Variants in MAT1A observed in about 807,000 individuals in gnomAD.
MAT1A encodes the protein S-adenosylmethionine synthase isoform type-1.
In MAT1A, 19 loss-of-function variants were observed where a neutral mutation model predicts 44.0. The ratio of observed to expected loss-of-function variants is 0.43; its 90% confidence interval spans 0.30 to 0.63. The LOEUF (loss-of-function observed/expected upper bound fraction) is 0.63. Among genes scored for constraint, MAT1A ranks in the 30% least tolerant of loss-of-function variants. The pLI is 0.12. For synonymous variants in MAT1A, 205 were observed against 205.6 expected, an observed-to-expected ratio of 1.00 and a Z score of 0.03; for missense variants, 397 against 531.0, an observed-to-expected ratio of 0.75 and a Z score of 2.48.
intron 6 of MAT1A, chr10:80,275,555 G>A: frequency 2.9e-6 from 1 of 347,380 alleles, no homozygotes. Context: ...CCTGGCTGGT[G>A]CCACCTAGCA....
At chr10:80,283,584 T>C (rs1841597562) in intron 3 of MAT1A, among the ~76,000 whole-genome samples, 1 of 152,268 alleles carries the variant, frequency 6.6e-6, no homozygotes, top group Non-Finnish European at 1.5e-5. Flanking sequence ...CACCAGTGCC[T>C]GGCAGCGAGC....
chr10:80,286,100 A>T (rs921843113), intron 1 of MAT1A, among the ~76,000 whole-genome samples: 12 of 152,270 alleles, frequency 7.9e-5, no homozygotes, highest in Admixed American at 3.9e-4. Context: ...AAGTGCTGGG[A>T]TTACAGGTGT....
rs1934144 is a variant in MAT1A at position 80,272,799 on chromosome 10, T to A, written c.*982A>T. On this transcript the variant is annotated 3_prime_UTR_variant, in exon 9 of 9. Transcript: ENST00000372213. ...GATTCTAAAGCTGCTGGTCAGTCCC[T>A]AACTCCAGCCTACCCTGATGGGCCA... 18,819 of 152,244 alleles carry A rather than the reference T, an allele frequency of 0.12. 2,135 individuals are homozygous for A. Among genetic ancestry groups the A allele is most frequent in the African/African-American group, 0.3 (12,620 of 41,470 alleles). The allele number at this position is 152,244 out of a possible 1,614,324, so 9.4% of individuals were successfully genotyped here.
intron 8 of MAT1A, 46 bp from the exon 9 acceptor site, chr10:80,273,929 GCAGGGTTTCTTTCTC>G (rs770455268): frequency 7.5e-7 from 1 of 1,328,504 alleles, no homozygotes; most frequent in East Asian, 2.3e-5. Context: ...TGGAACAGGA[GCAGGGTTTCTTTCTC>G]CATTTCAAGG....
chr10:80,281,714 C>T (rs1841570320), intron 3 of MAT1A, among the ~76,000 whole-genome samples: 1 of 152,216 alleles, frequency 6.6e-6, no homozygotes, highest in African/African-American at 2.4e-5. Flanking sequence ...CACACAGATC[C>T]AAGCTGCTGT....
Position 80,276,594 on chromosome 10 carries a change from C to T in MAT1A, c.550G>A (p.Val184Met). The T allele has an allele frequency of 6.2e-7, 1 of 1,610,432 alleles. No homozygotes were observed. Among genetic ancestry groups the T allele is most frequent in the Non-Finnish European group, 8.5e-7 (1 of 1,179,986 alleles). The change falls in exon 6 of 9, where the codon GTG becomes ATG. Residue 184 changes from valine (V) to methionine (M), a missense_variant and splice_region_variant. Val to Met is a conservative substitution (Grantham distance 21, BLOSUM62 1). Transcript: ENST00000372213. ...PWLRPDSKTQ[V>M]TVQYMQDNGA... ...TTGTCCTGCATGTACTGAACTGTCA[C>T]CTGTCCATCAGAAGGGTGGGGGAGA... is the stretch of plus-strand genomic sequence containing the variant.
At chr10:80,287,874 T>C (rs752027700) in intron 1 of MAT1A, among the ~76,000 whole-genome samples, 67 of 152,208 alleles carry the variant, frequency 4.4e-4, no homozygotes, top group Non-Finnish European at 7.1e-4. Flanking sequence ...ACTATTAACA[T>C]TTTGGGCCAG....
intron 5 of MAT1A, 108 bp downstream of exon 5, chr10:80,280,065 C>T (rs1015606555): frequency 1.4e-5 from 18 of 1,321,692 alleles, no homozygotes; most frequent in African/African-American, 5.8e-5. Context: ...TCTTTGAATG[C>T]CCAGATTGAA....
At chr10:80,277,809 C>A (rs970040120) in intron 5 of MAT1A, among the ~76,000 whole-genome samples, 1 of 152,180 alleles carries the variant, frequency 6.6e-6, no homozygotes, top group African/African-American at 2.4e-5. Context: ...GAACACGGCG[C>A]TTATCTCATC....
intron 4 of MAT1A, 126 bp from the exon 5 acceptor site, chr10:80,280,442 G>C: frequency 8.2e-7 from 1 of 1,225,178 alleles, no homozygotes; most frequent in Non-Finnish European, 1.2e-6. Flanking sequence ...GCTTTCCACT[G>C]GCATGTGCAG....
In MAT1A at chr10:80,273,008, T is replaced by A. The variant is rs1374840504; in HGVS notation, c.*773A>T. 1 of 152,304 alleles carries A rather than the reference T, an allele frequency of 6.6e-6. No homozygotes were observed. The highest frequency in any genetic ancestry group is 1.5e-5 in the Non-Finnish European group (1 of 68,156). The allele number at this position is 152,304 out of a possible 1,614,324, so 9.4% of individuals were successfully genotyped here. On this transcript the variant is annotated 3_prime_UTR_variant, in exon 9 of 9. Transcript: ENST00000372213. ...TCCATGGCCTCATTTCTGAATCTGC[T>A]TTGTCATTGTTTGAGCCTGTTACTG...
At position 80,272,065 on chromosome 10, in the gene MAT1A, T is replaced by C. The variant is rs893029583; in HGVS notation, c.*1716A>G. The stretch of plus-strand genomic sequence containing the variant: ...AGGTGACCAGGAGCCGGGCTTCTTT[T>C]GTTGCCTTAATTTCCTTTCACCTGA... On this transcript the variant is annotated 3_prime_UTR_variant, in exon 9 of 9. Transcript: ENST00000372213. 6.6e-6 allele frequency: 1 copy of C among 152,104 alleles called. No individual in the cohort carries two copies. Among genetic ancestry groups the C allele is most frequent in the Non-Finnish European group, 1.5e-5 (1 of 68,002 alleles). 9.4% of individuals were successfully genotyped at this position (152,104 alleles called of 1,614,324 possible). A position where few individuals can be genotyped will look rare whatever the true frequency, so the allele number is the denominator to read the frequency against.
intron 5 of MAT1A, among the ~76,000 whole-genome samples, chr10:80,276,876 C>T (rs1442690760): frequency 2.0e-5 from 3 of 152,258 alleles, no homozygotes; most frequent in African/African-American, 7.2e-5. Flanking sequence ...TGACCCACTA[C>T]ATGTCTCCTC....
At chr10:80,283,470 G>A (rs12242871) in intron 3 of MAT1A, among the ~76,000 whole-genome samples, 82,371 of 152,174 alleles carry the variant, frequency 0.54, 23,374 homozygotes, top group East Asian at 0.97. Flanking sequence ...CCTCAGCCTA[G>A]TGGCTGCTTA....
At position 80,284,870 on chromosome 10, in the gene MAT1A, A is replaced by G. The variant is rs555435135; in HGVS notation, c.169+642T>C. Among the ~76,000 whole-genome samples, 3 of 152,372 alleles carry G rather than the reference A, an allele frequency of 2.0e-5. No individual in the cohort carries two copies. The East Asian group carries it at 5.8e-4, about 29-fold the overall frequency. On this transcript the variant is annotated intron_variant, in intron 2 of 8. Transcript: ENST00000372213. ...AAATAAAGGTGAAGATCTTCAGCCT[A>G]CATGAGTCTTCAGACACAATAAATT...
chr10:80,279,062 C>G (rs1841526158), intron 5 of MAT1A, among the ~76,000 whole-genome samples: 1 of 152,164 alleles, frequency 6.6e-6, no homozygotes, highest in Admixed American at 6.5e-5. Flanking sequence ...TTGTGAATGC[C>G]AGAATAATAA....
rs528399877 is a variant in MAT1A at position 80,278,872 on chromosome 10, G to A, written c.549+1301C>T. Among the ~76,000 whole-genome samples, 5 of 152,320 alleles carry A rather than the reference G, an allele frequency of 3.3e-5. No individual in the cohort carries two copies. In the East Asian group the frequency reaches 9.7e-4, roughly 29 times the overall value. On this transcript the variant is annotated intron_variant, in intron 5 of 8. Transcript: ENST00000372213. Reference sequence around the variant, plus strand: ...GCTGGCGCTGTCTGCTAGTGGCCAGGGATGGCATCCCAAAAGAGGTAGAAC... The same window carrying A: ...GCTGGCGCTGTCTGCTAGTGGCCAGAGATGGCATCCCAAAAGAGGTAGAAC...
chr10:80,272,744 C>T lies in MAT1A; in HGVS notation c.*1037G>A, dbSNP rs1841427035. On this transcript the variant is annotated 3_prime_UTR_variant, in exon 9 of 9. Transcript: ENST00000372213. ...CCCCAGAAGTCCAAAAACCCAATCT[C>T]TGCATGTCTCTGAGTGGTCAGGGGG... 6.6e-6 allele frequency: 1 copy of T among 152,234 alleles called. No homozygotes were observed. The highest frequency in any genetic ancestry group is 1.5e-5 in the Non-Finnish European group (1 of 68,124). 9.4% of individuals were successfully genotyped at this position (152,234 alleles called of 1,614,324 possible). A position where few individuals can be genotyped will look rare whatever the true frequency, so the allele number is the denominator to read the frequency against.
At chr10:80,278,928 C>T (rs996514601) in intron 5 of MAT1A, among the ~76,000 whole-genome samples, 1 of 152,112 alleles carries the variant, frequency 6.6e-6, no homozygotes, top group African/African-American at 2.4e-5. Flanking sequence ...AGGTGAAGAC[C>T]AGAGAGGGAG....
Sources: allele counts gnomAD v4.1 joint callset (sites outside exome capture counted in the v4.1 genomes callset), GRCh38; gene constraint gnomAD v4.1.1; transcripts MANE v1.5; gene names NCBI Gene and HGNC (gene_info 2026-07-23, HGNC 2026-07-21).